Variants in GDA observed in about 807,000 individuals in gnomAD.
The protein encoded by GDA is cytoplasmic PSD-95 interactor.
Under a neutral mutation model 59.6 loss-of-function variants are expected in GDA, and 18 were observed. That is an observed-to-expected ratio of 0.30 (90% confidence interval 0.21 to 0.45). GDA has a LOEUF of 0.45. GDA is among the 20% of genes least tolerant of loss of function. GDA has a pLI of 1.00. For missense variants in GDA, 427 were observed against 552.3 expected (o/e 0.77, Z 2.27); for synonymous variants, 201 against 201.1 (o/e 1.00, Z 0.00).
chr9:72,225,195 C>T (rs1365595700), intron 7 of GDA, among the ~76,000 whole-genome samples: 2 of 152,162 alleles, frequency 1.3e-5, no homozygotes, highest in African/African-American at 4.8e-5. Context: ...ACAGGAGACT[C>T]ACTTGAACCT....
At chr9:72,213,836 T>G in intron 4 of GDA, 50 bp from the exon 5 acceptor site, 1 of 1,025,084 alleles carries the variant, frequency 9.8e-7, no homozygotes, top group Non-Finnish European at 1.5e-6. Flanking sequence ...GAAAAAGTAC[T>G]GTTTCAGAAA....
chr9:72,187,347 A>C (rs1831984491), intron 1 of GDA, among the ~76,000 whole-genome samples: 1 of 152,160 alleles, frequency 6.6e-6, no homozygotes, highest in African/African-American at 2.4e-5. Flanking sequence ...GGTTATCTTG[A>C]CAGTGAGTTG....
In GDA at chr9:72,250,360, CAGTAAATATAAATAAGTGT is replaced by C; in HGVS notation, c.*2021_*2039del. The C allele has an allele frequency of 9.2e-7, 1 of 1,087,436 alleles. No individual in the cohort carries two copies. Among genetic ancestry groups the C allele is most frequent in the Non-Finnish European group, 1.1e-6 (1 of 893,104 alleles). 67.4% of individuals were successfully genotyped at this position (1,087,436 alleles called of 1,614,324 possible). A position where few individuals can be genotyped will look rare whatever the true frequency, so the allele number is the denominator to read the frequency against. Reference sequence around the variant, plus strand: ...TTCATGTAGACTTAGGACTCATGTGCAGTAAATATAAATAAGTGTAGCATCAGAAGCAGTAGGAATGGCC... The same window carrying C: ...TTCATGTAGACTTAGGACTCATGTGCAGCATCAGAAGCAGTAGGAATGGCC... On this transcript the variant is annotated 3_prime_UTR_variant, in exon 14 of 14. Coordinates refer to ENST00000358399, the MANE Select transcript of GDA (RefSeq NM_004293.5).
At chr9:72,202,445 G>A (rs940410843) in intron 2 of GDA, 126 bp from the exon 3 acceptor site, 2 of 616,388 alleles carry the variant, frequency 3.2e-6, no homozygotes, top group African/African-American at 1.9e-5. Context: ...ACAGTTGTCT[G>A]ATTGCATTAC....
At position 72,251,124 on chromosome 9, in the gene GDA, G is replaced by A; in HGVS notation, c.*2782G>A. 3.5e-6 allele frequency: 1 copy of A among 286,216 alleles called. No individual in the cohort carries two copies. The highest frequency in any genetic ancestry group is 6.5e-6 in the Non-Finnish European group (1 of 153,914). The allele number at this position is 286,216 out of a possible 1,614,324, so 17.7% of individuals were successfully genotyped here. ...GGGTCTTTCTAAGTTAATACTGTGA[G>A]CATTGAGCCCCCATTAAAACTCTTT... On this transcript the variant is annotated 3_prime_UTR_variant, in exon 14 of 14. Coordinates refer to ENST00000358399, the MANE Select transcript of GDA (RefSeq NM_004293.5).
At chr9:72,164,936 G>A (rs1234268850) in intron 1 of GDA, among the ~76,000 whole-genome samples, 1 of 145,724 alleles carries the variant, frequency 6.9e-6, no homozygotes, top group East Asian at 2.0e-4. Context: ...CTTGCAGTGA[G>A]CCAAGATCCA....
Position 72,174,744 on chromosome 9 carries a change from T to TTA in GDA, c.124-20739_124-20738dup, listed in dbSNP as rs146059487. On this transcript the variant is annotated intron_variant, in intron 1 of 13. Transcript: ENST00000358399. The stretch of plus-strand genomic sequence containing the variant: ...GGTTATATATTGGGAACTGTTGAGG[T>TTA]TATATATATATATATATAGAGAGAG... 7.5e-3 allele frequency among the ~76,000 whole-genome samples: 1,118 copies of TTA among 149,504 alleles called. 13 individuals carry two copies. The highest frequency in any genetic ancestry group is 0.021 in the Middle Eastern group (6 of 286).
At chr9:72,189,968 G>A (rs193075406) in intron 1 of GDA, among the ~76,000 whole-genome samples, 221 of 152,282 alleles carry the variant, frequency 1.5e-3, no homozygotes, top group African/African-American at 4.8e-3. Context: ...ATATTTAATT[G>A]CCATTGTAAC....
At chr9:72,136,635 C>T (rs543297430) in intron 1 of GDA, among the ~76,000 whole-genome samples, 2 of 152,300 alleles carry the variant, frequency 1.3e-5, no homozygotes, top group East Asian at 3.9e-4. Flanking sequence ...AAAGTGCTAC[C>T]TAGCACAAAC....
At chr9:72,197,189 C>T (rs907927354) in intron 2 of GDA, among the ~76,000 whole-genome samples, 2 of 152,166 alleles carry the variant, frequency 1.3e-5, no homozygotes, top group Non-Finnish European at 2.9e-5. Context: ...GTCATCTAGA[C>T]TATGAAGCTC....
At chr9:72,176,139 T>G (rs921287010) in intron 1 of GDA, among the ~76,000 whole-genome samples, 1 of 152,136 alleles carries the variant, frequency 6.6e-6, no homozygotes, top group African/African-American at 2.4e-5. Flanking sequence ...TTGACTGAGG[T>G]TGTAGGATCC....
Position 72,251,290 on chromosome 9 carries a change from C to T in GDA, c.*2948C>T, listed in dbSNP as rs540011237. On this transcript the variant is annotated 3_prime_UTR_variant, in exon 14 of 14. Coordinates refer to ENST00000358399, the MANE Select transcript of GDA (RefSeq NM_004293.5). ...TGAGATCTTAGAGAGGAAATATAAC[C>T]GGTGTGAGATCTAGCAATGCATTTT... is the stretch of plus-strand genomic sequence containing the variant. The T allele has an allele frequency of 4.0e-4, 64 of 158,142 alleles. No homozygotes were observed. The highest frequency in any genetic ancestry group is 1.0e-3 in the African/African-American group (43 of 41,574). 9.8% of individuals were successfully genotyped at this position (158,142 alleles called of 1,614,324 possible). A position where few individuals can be genotyped will look rare whatever the true frequency, so the allele number is the denominator to read the frequency against.
chr9:72,200,760 C>CT (rs1381729866), intron 2 of GDA, among the ~76,000 whole-genome samples: 1 of 152,200 alleles, frequency 6.6e-6, no homozygotes, highest in Non-Finnish European at 1.5e-5. Flanking sequence ...TTTCAGAGTG[C>CT]TTCCCACATT....
chr9:72,136,112 T>C (rs1327057068), intron 1 of GDA, among the ~76,000 whole-genome samples: 1 of 152,104 alleles, frequency 6.6e-6, no homozygotes. Flanking sequence ...CTATACCAAA[T>C]CTATAAAAGG....
At chr9:72,183,198 A>G (rs538226489) in intron 1 of GDA, among the ~76,000 whole-genome samples, 1 of 152,266 alleles carries the variant, frequency 6.6e-6, no homozygotes, top group Admixed American at 6.5e-5. Flanking sequence ...TAAAGCTAGT[A>G]TGTGTGTGCA....
At chr9:72,236,304 C>A (rs1163917253) in intron 10 of GDA, among the ~76,000 whole-genome samples, 1 of 152,138 alleles carries the variant, frequency 6.6e-6, no homozygotes, top group African/African-American at 2.4e-5. Flanking sequence ...TCTCAAATCC[C>A]AAATGGCCCA....
At chr9:72,238,422 A>G (rs1839254304) in intron 10 of GDA, among the ~76,000 whole-genome samples, 1 of 152,172 alleles carries the variant, frequency 6.6e-6, no homozygotes, top group Admixed American at 6.6e-5. Flanking sequence ...TATTGTTAAT[A>G]TATGTCTGTT....
chr9:72,207,183 A>T (rs1043193976), intron 3 of GDA, among the ~76,000 whole-genome samples: 4 of 152,128 alleles, frequency 2.6e-5, no homozygotes, highest in Non-Finnish European at 5.9e-5. Context: ...TCTTTCAATA[A>T]GAGAACTTCT....
At chr9:72,205,199 T>C in intron 3 of GDA, among the ~76,000 whole-genome samples, 1 of 151,690 alleles carries the variant, frequency 6.6e-6, no homozygotes, top group East Asian at 1.9e-4. Flanking sequence ...GCCCACAAAC[T>C]TTTAAGTTGG....
Sources: allele counts gnomAD v4.1 joint callset (sites outside exome capture counted in the v4.1 genomes callset), GRCh38; gene constraint gnomAD v4.1.1; transcripts MANE v1.5; gene names NCBI Gene and HGNC (gene_info 2026-07-23, HGNC 2026-07-21).